Variants in AKAP7 observed in about 807,000 individuals in gnomAD.
The protein encoded by AKAP7 is A-kinase anchoring protein 7, also known as A kinase (PRKA) anchor protein 7.
In AKAP7, 39 loss-of-function variants were observed where a neutral mutation model predicts 39.5. The ratio of observed to expected loss-of-function variants is 0.99; its 90% CI spans 0.76 to 1.29. The LOEUF (loss-of-function observed/expected upper bound fraction) is 1.29, where lower values mean the gene tolerates loss of function less well. AKAP7 is among the 50% of genes most tolerant of loss of function. The pLI is 0.00. For missense variants in AKAP7, 414 were observed against 407.7 expected (o/e 1.02, Z -0.13); for synonymous variants, 140 against 139.1 (o/e 1.01, Z -0.05).
At chr6:131,166,916 A>T (rs1275542753) in intron 4 of AKAP7, among the ~76,000 whole-genome samples, 2 of 152,048 alleles carry the variant, frequency 1.3e-5, no homozygotes, top group East Asian at 3.9e-4. Context: ...TTAATAGTAT[A>T]CTGATCAGTG....
At chr6:131,273,112 G>A (rs1024403038) in intron 7 of AKAP7, among the ~76,000 whole-genome samples, 6 of 151,962 alleles carry the variant, frequency 3.9e-5, no homozygotes, top group East Asian at 1.9e-4. Context: ...TACTTTTTCC[G>A]AAGTCTGCTT....
At chr6:131,213,457 A>G (rs1808864416) in intron 6 of AKAP7, among the ~76,000 whole-genome samples, 1 of 152,242 alleles carries the variant, frequency 6.6e-6, no homozygotes, top group Admixed American at 6.5e-5. Context: ...ATGGAAATAA[A>G]TGGTTAAGTT....
At chr6:131,262,008 G>A (rs1369074146) in intron 7 of AKAP7, among the ~76,000 whole-genome samples, 1 of 152,142 alleles carries the variant, frequency 6.6e-6, no homozygotes, top group African/African-American at 2.4e-5. Flanking sequence ...CCTTTGAGGA[G>A]AGGTTACTGT....
At chr6:131,135,198 A>C (rs1233882138), upstream of AKAP7, among the ~76,000 whole-genome samples, 1 of 152,236 alleles carries the variant, frequency 6.6e-6, no homozygotes. Flanking sequence ...ACCAGGCCAG[A>C]GAATTCTTTC....
intron 5 of AKAP7, among the ~76,000 whole-genome samples, chr6:131,171,337 A>T (rs543976400): frequency 2.0e-5 from 3 of 152,188 alleles, no homozygotes; most frequent in South Asian, 2.1e-4. Context: ...GGAAGATTTC[A>T]TAGGAGAAAT....
chr6:131,223,806 A>T (rs1371132004), intron 7 of AKAP7, among the ~76,000 whole-genome samples: 3 of 152,220 alleles, frequency 2.0e-5, no homozygotes, highest in African/African-American at 7.2e-5. Flanking sequence ...CAGGACTGGC[A>T]TTATGAAGCT....
At chr6:131,148,471 T>C (rs1024740752) in intron 2 of AKAP7, among the ~76,000 whole-genome samples, 8 of 151,148 alleles carry the variant, frequency 5.3e-5, no homozygotes, top group East Asian at 2.0e-4. Flanking sequence ...GGATAAAAAT[T>C]CCCCCCCCCG....
At chr6:131,256,703 T>G (rs1225013120) in intron 7 of AKAP7, among the ~76,000 whole-genome samples, 1 of 127,538 alleles carries the variant, frequency 7.8e-6, no homozygotes, top group Non-Finnish European at 1.7e-5. Flanking sequence ...TACTCCTTCC[T>G]GGGACATTAT....
chr6:131,159,345 G>C (rs1007115578), intron 2 of AKAP7, among the ~76,000 whole-genome samples: 3 of 151,090 alleles, frequency 2.0e-5, no homozygotes, highest in Admixed American at 2.0e-4. Flanking sequence ...CGCCCGCCTC[G>C]GCCTCCCAAA....
chr6:131,128,516 A>T, the AKAP7 span, among the ~76,000 whole-genome samples: 54 of 152,282 alleles, frequency 3.5e-4, no homozygotes, highest in Admixed American at 1.6e-3. Context: ...CCTTCTGGGA[A>T]TTTATTTTAA....
rs555988414 is a variant in AKAP7, at chr6:131,256,946, C to T, written c.851-24584C>T. On this transcript the variant is annotated intron_variant, in intron 7 of 7. Coordinates refer to ENST00000431975, the MANE Select transcript of AKAP7 (RefSeq NM_016377.4). ...AAAGATAAGCAGTGATGATGACAGCCCAACTCAAAAGAGTTTCAAAATTCT... is the reference window on the plus strand; with the variant it reads ...AAAGATAAGCAGTGATGATGACAGCTCAACTCAAAAGAGTTTCAAAATTCT... 2.2e-3 allele frequency among the ~76,000 whole-genome samples: 339 copies of T among 152,010 alleles called. 1 individual carries two copies. Among genetic ancestry groups the T allele is most frequent in the Non-Finnish European group, 3.6e-3 (248 of 67,970 alleles).
At chr6:131,145,459 T>G in intron 2 of AKAP7, 43 bp downstream of exon 2, 1 of 1,251,600 alleles carries the variant, frequency 8.0e-7, no homozygotes, top group Non-Finnish European at 1.1e-6. Flanking sequence ...AAGCAATGAG[T>G]AGTAAATTTA....
chr6:131,142,762 G>A (rs1801154214), intron 1 of AKAP7, among the ~76,000 whole-genome samples: 1 of 152,258 alleles, frequency 6.6e-6, no homozygotes, highest in African/African-American at 2.4e-5. Flanking sequence ...TACACCCTGA[G>A]CTTGGAAAAG....
At chr6:131,144,216 C>T (rs1246675697) in intron 1 of AKAP7, among the ~76,000 whole-genome samples, 10 of 150,796 alleles carry the variant, frequency 6.6e-5, no homozygotes, top group Admixed American at 4.6e-4. Context: ...CCACCCTTCC[C>T]GCCTTTCTAT....
At chr6:131,217,944 C>T (rs1395943728) in intron 6 of AKAP7, among the ~76,000 whole-genome samples, 1 of 152,044 alleles carries the variant, frequency 6.6e-6, no homozygotes, top group African/African-American at 2.4e-5. Context: ...AGACAAGAAT[C>T]GTTGCTCATT....
chr6:131,216,428 A>T (rs1244809242), intron 6 of AKAP7, among the ~76,000 whole-genome samples: 1 of 152,186 alleles, frequency 6.6e-6, no homozygotes, highest in Non-Finnish European at 1.5e-5. Context: ...CCATCAGATG[A>T]TTCTAAAAAT....
intron 5 of AKAP7, among the ~76,000 whole-genome samples, chr6:131,188,677 T>G (rs1562197484): frequency 6.6e-6 from 1 of 151,894 alleles, no homozygotes; most frequent in South Asian, 2.1e-4. Flanking sequence ...TAGCTGGGAC[T>G]ACAGGCATAG....
intron 7 of AKAP7, among the ~76,000 whole-genome samples, chr6:131,243,028 G>A (rs189916171): frequency 1.7e-4 from 26 of 152,264 alleles, no homozygotes; most frequent in African/African-American, 5.5e-4. Context: ...AGTGTTGGGT[G>A]TACATGTGAA....
At chr6:131,215,777 C>A (rs545108830) in intron 6 of AKAP7, among the ~76,000 whole-genome samples, 1 of 152,164 alleles carries the variant, frequency 6.6e-6, no homozygotes, top group African/African-American at 2.4e-5. Context: ...ACAAATGTAA[C>A]TTTTTGCCAC....
Sources: allele counts gnomAD v4.1 joint callset (sites outside exome capture counted in the v4.1 genomes callset), GRCh38; gene constraint gnomAD v4.1.1; transcripts MANE v1.5; gene names NCBI Gene and HGNC (gene_info 2026-07-23, HGNC 2026-07-21).